SGMS1: variants seen among roughly 807,000 people sequenced by gnomAD.
The protein encoded by SGMS1 is sphingomyelin synthase 1, also known as phosphatidylcholine:ceramide cholinephosphotransferase 1.
Under a neutral mutation model 46.2 loss-of-function variants are expected in SGMS1, and 13 were observed. The ratio of observed to expected loss-of-function variants is 0.28; its 90% confidence interval spans 0.18 to 0.45. The LOEUF is 0.45. Among genes scored for constraint, SGMS1 ranks in the 20% least tolerant of loss-of-function variants. The probability of loss-of-function intolerance (pLI) is 1.00; values close to 1 mark genes in which losing one functional copy is unlikely to be tolerated. For missense variants in SGMS1, 324 were observed against 519.9 expected, an observed-to-expected ratio of 0.62 and a Z score of 3.66; for synonymous variants, 203 against 187.8, an observed-to-expected ratio of 1.08 and a Z score of -0.66.
rs371159841 is a variant in SGMS1, at chr10:50,434,368, A to C, written c.-312-812T>G. On this transcript the variant is annotated intron_variant, in intron 5 of 10. Transcript: ENST00000361781. Reference sequence around the variant, plus strand: ...TATGTGAAGAACGTGTGGCTCCAAGAAGACAACATTGATAAAACAGGAACC... The same window carrying C: ...TATGTGAAGAACGTGTGGCTCCAAGCAGACAACATTGATAAAACAGGAACC... Among the ~76,000 whole-genome samples, 104 of 152,302 alleles carry C rather than the reference A, an allele frequency of 6.8e-4. No individual in the cohort carries two copies. In the South Asian group the frequency reaches 0.021, roughly 31 times the overall value.
chr10:50,487,497 CTAAA>C (rs1837531334), intron 3 of SGMS1, among the ~76,000 whole-genome samples: 2 of 152,238 alleles, frequency 1.3e-5, no homozygotes, highest in East Asian at 1.9e-4. Context: ...AAAATAAAAA[CTAAA>C]TAAATAAATG....
chr10:50,568,857 T>C (rs1838312936), intron 2 of SGMS1, among the ~76,000 whole-genome samples: 1 of 151,632 alleles, frequency 6.6e-6, no homozygotes, highest in Non-Finnish European at 1.5e-5. Flanking sequence ...TAGTAAAGAG[T>C]GTGCAGCCCT....
intron 2 of SGMS1, among the ~76,000 whole-genome samples, chr10:50,578,111 C>T (rs1838401101): frequency 1.3e-5 from 2 of 152,236 alleles, no homozygotes; most frequent in Non-Finnish European, 2.9e-5. Context: ...AACCACTCTG[C>T]TCTTCTAAAA....
At chr10:50,384,410 CCTT>C (rs1341558249) in intron 6 of SGMS1, among the ~76,000 whole-genome samples, 1 of 150,946 alleles carries the variant, frequency 6.6e-6, no homozygotes, top group Non-Finnish European at 1.5e-5. Context: ...TCCTTTCCTT[CCTT>C]CTTTCTCCTT....
At chr10:50,333,267 G>A (rs1847656355) in intron 7 of SGMS1, among the ~76,000 whole-genome samples, 1 of 152,186 alleles carries the variant, frequency 6.6e-6, no homozygotes, top group Non-Finnish European at 1.5e-5. Context: ...ATGACTGGCA[G>A]TACCAGCAAC....
rs1564881860 is a variant in SGMS1 at position 50,343,929 on chromosome 10, G to C, written c.186C>G (p.Asp62Glu). ...GCTCCATTTTCAGGGTTTCTATCAT[G>C]TCCAGGAGCCGCTGCCCATTGTCAG... is the stretch of plus-strand genomic sequence containing the variant. ...VSSDNGQRLL[D>E]MIETLKMEHH... Residue 62 changes from aspartate to glutamate, a missense_variant, in exon 7 of 11, where the codon GAC (aspartate) becomes GAG (glutamate). Physicochemically the swap from Asp to Glu is conservative, Grantham distance 45. This residue lies in a region of SGMS1 where 150 missense variants were observed against 169.8 expected (regional missense o/e 0.88). Coordinates refer to ENST00000361781, the MANE Select transcript of SGMS1 (RefSeq NM_147156.4). 6.2e-7 allele frequency: 1 copy of C among 1,613,984 alleles called. No individual in the cohort carries two copies. The highest frequency in any genetic ancestry group is 8.5e-7 in the Non-Finnish European group (1 of 1,179,876).
rs1041899909 is a variant in SGMS1 at position 50,307,855 on chromosome 10, C to T, written c.1062+127G>A. ...GAATCAATGTCACAAAAAAACAATA[C>T]AATCTTAGTTGATTACTACTTAAGA... On this transcript the variant is annotated intron_variant, in intron 10 of 10. Transcript: ENST00000361781. The surrounding 1 kb of genome is among the most constrained non-coding windows in gnomAD (Gnocchi z 4.2). 141 of 839,710 alleles carry T rather than the reference C, an allele frequency of 1.7e-4. No homozygotes were observed. The highest frequency in any genetic ancestry group is 3.5e-4 in the Admixed American group (13 of 37,072). The allele number at this position is 839,710 out of a possible 1,614,324, so 52.0% of individuals were successfully genotyped here. A position where few individuals can be genotyped will look rare whatever the true frequency, so the allele number is the denominator to read the frequency against.
intron 6 of SGMS1, among the ~76,000 whole-genome samples, chr10:50,354,365 T>C (rs1461084364): frequency 6.6e-6 from 1 of 152,170 alleles, no homozygotes; most frequent in Non-Finnish European, 1.5e-5. Flanking sequence ...TAATAAATGG[T>C]GCTGGGAAAA....
chr10:50,463,493 C>A (rs1837292203), intron 4 of SGMS1, among the ~76,000 whole-genome samples: 1 of 152,086 alleles, frequency 6.6e-6, no homozygotes, highest in Non-Finnish European at 1.5e-5. Flanking sequence ...ATTAGAATGA[C>A]CACTATCAAA....
chr10:50,582,014 C>T (rs766413739), intron 2 of SGMS1, among the ~76,000 whole-genome samples: 3 of 152,236 alleles, frequency 2.0e-5, no homozygotes, highest in Non-Finnish European at 2.9e-5. Flanking sequence ...CAGGGCAGAG[C>T]CTGTCCTGCA....
At chr10:50,524,712 C>T (rs1179530776) in intron 2 of SGMS1, among the ~76,000 whole-genome samples, 2 of 152,266 alleles carry the variant, frequency 1.3e-5, no homozygotes, top group East Asian at 1.9e-4. Flanking sequence ...CCCAATGTCA[C>T]GCAGCTGGGG....
intron 8 of SGMS1, among the ~76,000 whole-genome samples, chr10:50,321,193 A>G (rs1416309482): frequency 1.3e-5 from 2 of 152,256 alleles, no homozygotes; most frequent in Non-Finnish European, 2.9e-5. Flanking sequence ...GTAAAAATTC[A>G]TACATCAAAT....
intron 6 of SGMS1, among the ~76,000 whole-genome samples, chr10:50,351,813 C>T (rs1019702660): frequency 1.3e-5 from 2 of 152,168 alleles, no homozygotes; most frequent in African/African-American, 2.4e-5. Flanking sequence ...CGAACTAATA[C>T]ACCTACCTTC....
At chr10:50,494,583 A>G (rs2983369) in intron 3 of SGMS1, among the ~76,000 whole-genome samples, 31,517 of 152,136 alleles carry the variant, frequency 0.21, 3,503 homozygotes, top group Non-Finnish European at 0.25. Context: ...TGATAAGAAC[A>G]CATGGACACG....
chr10:50,340,162 A>G (rs777657910), intron 7 of SGMS1, among the ~76,000 whole-genome samples: 2 of 152,204 alleles, frequency 1.3e-5, no homozygotes, highest in Non-Finnish European at 2.9e-5. Context: ...CACCACACTA[A>G]GTCATAATTT....
chr10:50,375,451 T>C (rs762743750), intron 6 of SGMS1, among the ~76,000 whole-genome samples: 5 of 152,184 alleles, frequency 3.3e-5, no homozygotes, highest in Non-Finnish European at 5.9e-5. Context: ...AGCTATCAAC[T>C]GGAGTGGATT....
chr10:50,583,681 T>A (rs965678899), intron 2 of SGMS1, among the ~76,000 whole-genome samples: 4 of 152,230 alleles, frequency 2.6e-5, no homozygotes, highest in Non-Finnish European at 4.4e-5. Context: ...TGAAGGCAGA[T>A]CCAGTCCTTA....
intron 1 of SGMS1, among the ~76,000 whole-genome samples, chr10:50,598,012 C>CAA (rs544250440): frequency 4.3e-5 from 4 of 92,392 alleles, no homozygotes; most frequent in Admixed American, 1.2e-4. Context: ...AACTCCGTCT[C>CAA]AAAAAAAAAA....
At chr10:50,469,926 C>T (rs1837363829) in intron 3 of SGMS1, among the ~76,000 whole-genome samples, 1 of 152,200 alleles carries the variant, frequency 6.6e-6, no homozygotes, top group Admixed American at 6.5e-5. Flanking sequence ...ATTTATAGGG[C>T]CAACCCTTTT....
Sources: gnomAD v4.1 joint callset for allele counts (sites outside exome capture counted in the v4.1 genomes callset) on GRCh38, gnomAD v4.1.1 for gene constraint, gnomAD v4.1.1 regional missense constraint, Gnocchi (gnomAD v3.1) non-coding constraint, MANE v1.5 for transcripts, NCBI Gene and HGNC (gene_info 2026-07-23, HGNC 2026-07-21) for gene names.